Variants in TEAD1 observed in about 807,000 individuals in gnomAD.
TEAD1 encodes the protein TEA domain transcription factor 1.
TEAD1 carries 9 observed loss-of-function variants against 54.9 expected under a neutral mutation model. The ratio of observed to expected loss-of-function variants is 0.16; its 90% CI spans 0.10 to 0.29. TEAD1 has a LOEUF of 0.29. Among genes scored for constraint, TEAD1 ranks in the 10% least tolerant of loss-of-function variants. TEAD1 has a pLI of 1.00. For missense variants in TEAD1, 387 were observed against 535.9 expected, an observed-to-expected ratio of 0.72 and a Z score of 2.74; for synonymous variants, 200 against 187.8, an observed-to-expected ratio of 1.07 and a Z score of -0.53.
At chr11:12,692,597 C>G (rs947304075) in intron 2 of TEAD1, among the ~76,000 whole-genome samples, 1 of 152,174 alleles carries the variant, frequency 6.6e-6, no homozygotes, top group Non-Finnish European at 1.5e-5. Flanking sequence ...TTATTTCCCC[C>G]CCGCCCCCGC....
intron 5 of TEAD1, among the ~76,000 whole-genome samples, chr11:12,878,109 C>A (rs1947891947): frequency 6.6e-6 from 1 of 152,136 alleles, no homozygotes; most frequent in Non-Finnish European, 1.5e-5. Flanking sequence ...ACCTGGTCTT[C>A]CCCTTTCCCT....
At chr11:12,866,843 A>G (rs781748013) in intron 5 of TEAD1, among the ~76,000 whole-genome samples, 1 of 152,236 alleles carries the variant, frequency 6.6e-6, no homozygotes, top group Non-Finnish European at 1.5e-5. Flanking sequence ...TGTGATGGGC[A>G]GTTAACAGCC....
At chr11:12,803,708 A>G (rs1024046145) in intron 3 of TEAD1, among the ~76,000 whole-genome samples, 1 of 152,208 alleles carries the variant, frequency 6.6e-6, no homozygotes, top group African/African-American at 2.4e-5. Flanking sequence ...CTGAATGCCT[A>G]CCACATTTCA....
intron 9 of TEAD1, among the ~76,000 whole-genome samples, chr11:12,898,641 C>T (rs2134124174): frequency 6.6e-6 from 1 of 152,176 alleles, no homozygotes. Flanking sequence ...GTGATCCACC[C>T]TCCTCAGCCT....
chr11:12,694,433 C>G (rs1173486401), intron 2 of TEAD1, among the ~76,000 whole-genome samples: 1 of 150,012 alleles, frequency 6.7e-6, no homozygotes, highest in East Asian at 1.9e-4. Flanking sequence ...TGCAGTGTTT[C>G]ACGCCAGTCT....
intron 3 of TEAD1, among the ~76,000 whole-genome samples, chr11:12,805,144 AG>A (rs1406003272): frequency 6.6e-6 from 1 of 152,238 alleles, no homozygotes; most frequent in Non-Finnish European, 1.5e-5. Context: ...CTTACTGTGA[AG>A]GTCAACAATA....
intron 3 of TEAD1, among the ~76,000 whole-genome samples, chr11:12,812,230 C>T (rs1286911805): frequency 6.6e-6 from 1 of 152,110 alleles, no homozygotes; most frequent in African/African-American, 2.4e-5. Context: ...GGAAATGACC[C>T]TCTTGCCACC....
intron 3 of TEAD1, among the ~76,000 whole-genome samples, chr11:12,857,194 T>G (rs1947402742): frequency 6.6e-6 from 1 of 152,156 alleles, no homozygotes; most frequent in Admixed American, 6.5e-5. Context: ...GTTATATTAT[T>G]TAGGAAAAAG....
intron 2 of TEAD1, among the ~76,000 whole-genome samples, chr11:12,736,253 G>A (rs1170142816): frequency 1.3e-5 from 2 of 152,102 alleles, no homozygotes; most frequent in African/African-American, 2.4e-5. Flanking sequence ...GTGGACATGT[G>A]TACAGCCTTT....
intron 3 of TEAD1, among the ~76,000 whole-genome samples, chr11:12,847,132 A>G (rs1947172261): frequency 1.3e-5 from 2 of 152,158 alleles, no homozygotes; most frequent in African/African-American, 4.8e-5. Context: ...TTCAAAGAAG[A>G]CAGTCACTGC....
intron 12 of TEAD1, among the ~76,000 whole-genome samples, chr11:12,934,352 C>T (rs1401200415): frequency 6.6e-6 from 1 of 151,702 alleles, no homozygotes; most frequent in Middle Eastern, 3.2e-3. Flanking sequence ...AACACATGGA[C>T]ACAGGAAGGG....
intron 3 of TEAD1, among the ~76,000 whole-genome samples, chr11:12,859,000 A>T (rs1373583033): frequency 1.3e-5 from 2 of 152,186 alleles, no homozygotes; most frequent in Non-Finnish European, 2.9e-5. Context: ...CATAATCTAA[A>T]CATAGAAAAG....
chr11:12,807,849 C>G (rs769707728), intron 3 of TEAD1, among the ~76,000 whole-genome samples: 5 of 152,196 alleles, frequency 3.3e-5, no homozygotes, highest in Non-Finnish European at 7.3e-5. Flanking sequence ...CTGAGAGTTG[C>G]ACTGGGTGCT....
At chr11:12,812,609 T>C (rs1459548866) in intron 3 of TEAD1, among the ~76,000 whole-genome samples, 1 of 152,224 alleles carries the variant, frequency 6.6e-6, no homozygotes, top group Non-Finnish European at 1.5e-5. Flanking sequence ...ATTCATCTTC[T>C]TCCAGATAGA....
At chr11:12,758,221 A>G (rs1041274734) in intron 2 of TEAD1, among the ~76,000 whole-genome samples, 1 of 150,058 alleles carries the variant, frequency 6.7e-6, no homozygotes, top group South Asian at 2.1e-4. Flanking sequence ...CAACTCACTA[A>G]GTTTTTGTTT....
intron 2 of TEAD1, among the ~76,000 whole-genome samples, chr11:12,755,779 C>T (rs1944972731): frequency 6.6e-6 from 1 of 152,132 alleles, no homozygotes; most frequent in Non-Finnish European, 1.5e-5. Flanking sequence ...CAGGTCTTTG[C>T]TTTGGAATGG....
chr11:12,736,838 CTT>C (rs1179728658), intron 2 of TEAD1, among the ~76,000 whole-genome samples: 2 of 152,140 alleles, frequency 1.3e-5, no homozygotes, highest in East Asian at 3.8e-4. Context: ...ATAGGATCTC[CTT>C]TTGAAAAGTG....
At chr11:12,925,344 T>C (rs1948886134) in intron 11 of TEAD1, among the ~76,000 whole-genome samples, 1 of 152,142 alleles carries the variant, frequency 6.6e-6, no homozygotes, top group African/African-American at 2.4e-5. Context: ...CGTCTTCTCA[T>C]GGTGGCAGGA....
At chr11:12,862,075 T>C (rs1259274141) in intron 3 of TEAD1, among the ~76,000 whole-genome samples, 175 bp from the exon 4 acceptor site, 1 of 152,126 alleles carries the variant, frequency 6.6e-6, no homozygotes, top group Non-Finnish European at 1.5e-5. Context: ...TTCATCTTAA[T>C]TTTTCCTAGT....
Sources: gnomAD v4.1 joint callset for allele counts (sites outside exome capture counted in the v4.1 genomes callset) on GRCh38, gnomAD v4.1.1 for gene constraint, MANE v1.5 for transcripts, NCBI Gene and HGNC (gene_info 2026-07-23, HGNC 2026-07-21) for gene names.